PDXDC1: variants seen among roughly 807,000 people sequenced by gnomAD.
PDXDC1 encodes pyridoxal dependent decarboxylase domain containing 1, also known as pyridoxal-dependent decarboxylase domain-containing protein 1.
In PDXDC1, 42 loss-of-function variants were observed where a neutral mutation model predicts 100.1. The observed-to-expected ratio is 0.42, with a 90% CI of 0.33 to 0.54. The LOEUF is 0.54. PDXDC1 is among the 20% of genes least tolerant of loss of function. PDXDC1 has a pLI of 0.10. For synonymous variants in PDXDC1, 260 were observed against 371.7 expected (o/e 0.70, Z 3.46); for missense variants, 636 against 979.2 (o/e 0.65, Z 4.68).
chr16:15,011,398 A>T (rs1418170313), intron 8 of PDXDC1, among the ~76,000 whole-genome samples: 1 of 152,288 alleles, frequency 6.6e-6, no homozygotes, highest in Non-Finnish European at 1.5e-5. Context: ...TGTATATATA[A>T]ATATTAACTA....
chr16:15,145,989 C>T, the PDXDC1 span, among the ~76,000 whole-genome samples: 608 of 152,344 alleles, frequency 4.0e-3, 5 homozygotes, highest in Non-Finnish European at 4.3e-3. Flanking sequence ...GTCTCCCCCA[C>T]GAGCAGGGGG....
intron 16 of PDXDC1, chr16:15,135,904 C>A: frequency 1.3e-5 from 20 of 1,582,130 alleles, no homozygotes; most frequent in Non-Finnish European, 1.6e-5. Context: ...GCAGCGCCAG[C>A]CGCGGCAGCA....
intron 1 of PDXDC1, among the ~76,000 whole-genome samples, chr16:14,987,913 G>GTTT (rs372304080): frequency 6.7e-6 from 1 of 148,162 alleles, no homozygotes; most frequent in South Asian, 2.1e-4. Flanking sequence ...CGCCTGGCCT[G>GTTT]TTTTTTTTTT....
At chr16:15,088,319 T>C (rs1244528627) in intron 16 of PDXDC1, among the ~76,000 whole-genome samples, 2 of 151,794 alleles carry the variant, frequency 1.3e-5, no homozygotes, top group Non-Finnish European at 2.9e-5. Context: ...CCAGAAAAAT[T>C]AGCCAGGCAT....
chr16:15,133,764 C>G, intron 16 of PDXDC1: 1 of 1,588,746 alleles, frequency 6.3e-7, no homozygotes, highest in South Asian at 1.1e-5. Flanking sequence ...CGGGGGATCC[C>G]GCTGCTCCCC....
At chr16:15,038,863 T>C (rs906408834), downstream of PDXDC1, among the ~76,000 whole-genome samples, 11 of 152,246 alleles carry the variant, frequency 7.2e-5, no homozygotes, top group African/African-American at 2.7e-4. Flanking sequence ...TGTCTGCTTC[T>C]GCACACTGTG....
chr16:15,009,187 T>G (rs1369567925), intron 7 of PDXDC1: 1 of 396,790 alleles, frequency 2.5e-6, no homozygotes, highest in African/African-American at 2.1e-5. Context: ...TGGGCAGATT[T>G]TGAAAATGAG....
intron 16 of PDXDC1, chr16:15,131,244 C>G (rs762427238): frequency 7.5e-6 from 12 of 1,592,750 alleles, no homozygotes; most frequent in Non-Finnish European, 1.0e-5. Flanking sequence ...TGTTGGGCAC[C>G]TTCACGGTGA....
chr16:15,064,784 C>T (rs1015874696), intron 16 of PDXDC1, among the ~76,000 whole-genome samples: 3 of 152,202 alleles, frequency 2.0e-5, no homozygotes, highest in South Asian at 2.1e-4. Context: ...AGGGAGACCA[C>T]GAGATGCTCA....
rs2046990553 is a variant in PDXDC1 at position 15,110,269 on chromosome 16, T to C, written c.1400-28610T>C. ...GGGAAAGGAATTATACAGCTTAAAC[T>C]AATGAAGCAGAAAGGACAAACTCAA... On this transcript the variant is annotated intron_variant, in intron 16 of 16. Coordinates refer to the PDXDC1 transcript ENST00000535621. 1.3e-5 allele frequency: 9 copies of C among 705,972 alleles called. No individual in the cohort carries two copies. The East Asian group carries it at 2.2e-4, about 17-fold the overall frequency. 43.7% of individuals were successfully genotyped at this position (705,972 alleles called of 1,614,324 possible).
chr16:15,092,370 C>A, intron 16 of PDXDC1: 1 of 657,604 alleles, frequency 1.5e-6, no homozygotes, highest in East Asian at 2.7e-5. Context: ...TTTGCACTGA[C>A]GGCATCATGC....
intron 16 of PDXDC1, chr16:15,047,360 C>T: frequency 1.1e-6 from 1 of 905,424 alleles, no homozygotes; most frequent in Non-Finnish European, 1.8e-6. Context: ...ATCCTGTGTT[C>T]CCCTAACAGC....
intron 16 of PDXDC1, among the ~76,000 whole-genome samples, chr16:15,090,895 G>C (rs987573502): frequency 2.0e-5 from 2 of 98,292 alleles, no homozygotes; most frequent in East Asian, 6.3e-4. Context: ...TTTTTGCTTT[G>C]TTTTAGCTTT....
the PDXDC1 span, among the ~76,000 whole-genome samples, chr16:15,147,069 G>T: frequency 1.5e-4 from 23 of 149,828 alleles, no homozygotes; most frequent in East Asian, 2.0e-4. Flanking sequence ...ACACAGCAGG[G>T]ATGAGCCAGG....
intron 16 of PDXDC1, among the ~76,000 whole-genome samples, chr16:15,066,397 T>C (rs2044974660): frequency 6.6e-6 from 1 of 150,464 alleles, no homozygotes; most frequent in African/African-American, 2.4e-5. Context: ...CTTTGGGAGG[T>C]TGAGGCAGGC....
At chr16:15,039,162 A>G (rs1283844094), downstream of PDXDC1, among the ~76,000 whole-genome samples, 1 of 152,210 alleles carries the variant, frequency 6.6e-6, no homozygotes, top group Non-Finnish European at 1.5e-5. Flanking sequence ...CCAGTCCCTG[A>G]ATTCCCAAAT....
intron 13 of PDXDC1, among the ~76,000 whole-genome samples, chr16:15,024,773 C>T (rs970730071): frequency 1.3e-5 from 2 of 152,412 alleles, no homozygotes; most frequent in Admixed American, 6.5e-5. Flanking sequence ...TCAAATCTCA[C>T]CTCTTCAGAA....
chr16:15,086,472 G>A (rs2045920589), intron 16 of PDXDC1: 2 of 1,609,314 alleles, frequency 1.2e-6, no homozygotes, highest in African/African-American at 2.7e-5. Context: ...TAAACAAAGA[G>A]TACTTTCAAA....
At chr16:15,063,107 C>A in intron 16 of PDXDC1, 2 of 976,788 alleles carry the variant, frequency 2.0e-6, no homozygotes, top group Non-Finnish European at 3.3e-6. Flanking sequence ...GGGGATTACA[C>A]GCACGAACGA....
Sources: allele counts gnomAD v4.1 joint callset (sites outside exome capture counted in the v4.1 genomes callset), GRCh38; gene constraint gnomAD v4.1.1; transcripts MANE v1.5; gene names NCBI Gene and HGNC (gene_info 2026-07-23, HGNC 2026-07-21).